The following PPP1R1A variants were observed in gnomAD, a reference collection of about 807,000 sequenced individuals.
PPP1R1A encodes the protein protein phosphatase 1 regulatory inhibitor subunit 1A, also known as protein phosphatase 1 regulatory subunit 1A.
Under a neutral mutation model 23.9 loss-of-function variants are expected in PPP1R1A, and 18 were observed. The ratio of observed to expected loss-of-function variants is 0.75; its 90% CI spans 0.52 to 1.12. The LOEUF (loss-of-function observed/expected upper bound fraction) is 1.12. Among genes scored for constraint, PPP1R1A ranks in the 50% most tolerant of loss-of-function variants. The pLI, the probability that PPP1R1A is intolerant of heterozygous loss-of-function variation, is 0.00. For synonymous variants in PPP1R1A, 84 were observed against 80.7 expected (o/e 1.04, Z -0.22); for missense variants, 207 against 223.8 (o/e 0.92, Z 0.48).
intron 3 of PPP1R1A, 105 bp downstream of exon 3, chr12:54,583,106 G>A (rs1957873936): frequency 7.2e-6 from 9 of 1,247,166 alleles, no homozygotes; most frequent in South Asian, 6.2e-5. Context: ...ACAGGGAAGC[G>A]GGAGTCAAAA....
At position 54,580,329 on chromosome 12, in the gene PPP1R1A, A is replaced by G; in HGVS notation, c.*58T>C. 1 of 1,609,664 alleles carries G rather than the reference A, an allele frequency of 6.2e-7. No homozygotes were observed. The highest frequency in any genetic ancestry group is 8.5e-7 in the Non-Finnish European group (1 of 1,178,172). On this transcript the variant is annotated 3_prime_UTR_variant, in exon 7 of 7. Transcript: ENST00000257905. ...CCAAAAGTGAAGGAATAAGAAACAA[A>G]TCCGGTGTCCATGCATTCCCAAACT...
In PPP1R1A at chr12:54,579,579, T is replaced by G; in HGVS notation, c.*808A>C. 1.0e-6 allele frequency: 1 copy of G among 985,422 alleles called. No homozygotes were observed. The highest frequency in any genetic ancestry group is 5.2e-4 in the Middle Eastern group (1 of 1,914). The allele number at this position is 985,422 out of a possible 1,614,324, so 61.0% of individuals were successfully genotyped here. On this transcript the variant is annotated 3_prime_UTR_variant, in exon 7 of 7. Coordinates refer to ENST00000257905, the MANE Select transcript of PPP1R1A (RefSeq NM_006741.4). ...GCAGGAGAGAGGCCTGGCCGTGAGA[T>G]CTGAGACAGTTTCTTCTCTTATGCT... is the stretch of plus-strand genomic sequence containing the variant.
At position 54,579,826 on chromosome 12, in the gene PPP1R1A, C is replaced by T. The variant is rs917149118; in HGVS notation, c.*561G>A. ...GCTTGGAGGGCAGGCGAGGAGGTAT[C>T]GGCACACCACCATACCCTCTTTCCC... On this transcript the variant is annotated 3_prime_UTR_variant, in exon 7 of 7. Coordinates refer to ENST00000257905, the MANE Select transcript of PPP1R1A (RefSeq NM_006741.4). The T allele has an allele frequency of 1.7e-5, 17 of 985,492 alleles. No individual in the cohort carries two copies. The highest frequency in any genetic ancestry group is 1.4e-4 in the South Asian group (3 of 21,288). The allele number at this position is 985,492 out of a possible 1,614,324, so 61.0% of individuals were successfully genotyped here. A position where few individuals can be genotyped will look rare whatever the true frequency, so the allele number is the denominator to read the frequency against.
At position 54,580,303 on chromosome 12, in the gene PPP1R1A, C is replaced by T; in HGVS notation, c.*84G>A. 1 of 1,591,948 alleles carries T rather than the reference C, an allele frequency of 6.3e-7. No individual in the cohort carries two copies. Among genetic ancestry groups the T allele is most frequent in the East Asian group, 2.2e-5 (1 of 44,540 alleles). On this transcript the variant is annotated 3_prime_UTR_variant, in exon 7 of 7. Transcript: ENST00000257905. Reference sequence around the variant, plus strand: ...CACTTTTTAAAAACAAGAGATTTTCCCCAAAAGTGAAGGAATAAGAAACAA... The same window carrying T: ...CACTTTTTAAAAACAAGAGATTTTCTCCAAAAGTGAAGGAATAAGAAACAA...
chr12:54,583,338 C>G, intron 2 of PPP1R1A, 90 bp from the exon 3 acceptor site: 1 of 1,216,454 alleles, frequency 8.2e-7, no homozygotes, highest in Non-Finnish European at 1.1e-6. Context: ...GATTCTGCAG[C>G]CATGCTCCTC....
chr12:54,584,424 C>T, intron 1 of PPP1R1A, 104 bp from the exon 2 acceptor site: 1 of 1,112,012 alleles, frequency 9.0e-7, no homozygotes, highest in East Asian at 2.6e-5. Context: ...CTACTTAACA[C>T]ACCTCAAAAA....
chr12:54,581,647 G>A lies in PPP1R1A; in HGVS notation c.403+329C>T, dbSNP rs1258912602. Reference sequence around the variant, plus strand: ...TCATTTTATACCCTGAGGTTAAGTCGTTCAAGGCCTCTCAGCTGGTAAGGT... The same window carrying A: ...TCATTTTATACCCTGAGGTTAAGTCATTCAAGGCCTCTCAGCTGGTAAGGT... On this transcript the variant is annotated intron_variant, in intron 5 of 6. Coordinates refer to ENST00000257905, the MANE Select transcript of PPP1R1A (RefSeq NM_006741.4). This position sits in a 1 kb window ranked among gnomAD's most constrained non-coding sequence, Gnocchi z 4.1. 2.0e-5 allele frequency among the ~76,000 whole-genome samples: 3 copies of A among 152,118 alleles called. No individual in the cohort carries two copies. Among genetic ancestry groups the A allele is most frequent in the African/African-American group, 4.8e-5 (2 of 41,400 alleles).
Position 54,588,392 on chromosome 12 carries a change from C to CCCTGCTCCGCA in PPP1R1A, c.84+2_84+12dup, listed in dbSNP as rs1167576430. 5.8e-5 allele frequency: 87 copies of CCCTGCTCCGCA among 1,494,772 alleles called. No individual in the cohort carries two copies. The highest frequency in any genetic ancestry group is 7.3e-5 in the Non-Finnish European group (81 of 1,117,020). The allele number at this position is 1,494,772 out of a possible 1,614,324, so 92.6% of individuals were successfully genotyped here. A position where few individuals can be genotyped will look rare whatever the true frequency, so the allele number is the denominator to read the frequency against. On this transcript the variant is annotated intron_variant, in intron 1 of 6. Transcript: ENST00000257905. Reference sequence around the variant, plus strand: ...GCTGGGCGAGTGCCCTGCCGCCCCGCCCTGCTCCGCACCTGCTCCGCCGCC... The same window carrying CCCTGCTCCGCA: ...GCTGGGCGAGTGCCCTGCCGCCCCGCCCTGCTCCGCACCTGCTCCGCACCTGCTCCGCCGCC...
chr12:54,579,808 G>A lies in PPP1R1A; in HGVS notation c.*579C>T, dbSNP rs929273729. 9.1e-6 allele frequency: 9 copies of A among 985,652 alleles called. No homozygotes were observed. The highest frequency in any genetic ancestry group is 1.1e-4 in the East Asian group (1 of 8,810). 61.1% of individuals were successfully genotyped at this position (985,652 alleles called of 1,614,324 possible). ...AAAAGGAAGGCAGCTGGGGCTTGGA[G>A]GGCAGGCGAGGAGGTATCGGCACAC... On this transcript the variant is annotated 3_prime_UTR_variant, in exon 7 of 7. Coordinates refer to ENST00000257905, the MANE Select transcript of PPP1R1A (RefSeq NM_006741.4).
At chr12:54,584,195 C>T in intron 2 of PPP1R1A, 65 bp downstream of exon 2, 1 of 1,443,858 alleles carries the variant, frequency 6.9e-7, no homozygotes, top group Non-Finnish European at 9.6e-7. Flanking sequence ...TAGCGCCCAT[C>T]TTCTCATTGG....
At chr12:54,587,715 G>T (rs1310045084) in intron 1 of PPP1R1A, among the ~76,000 whole-genome samples, 1 of 152,144 alleles carries the variant, frequency 6.6e-6, no homozygotes, top group Admixed American at 6.5e-5. Flanking sequence ...TCCCAGTGCT[G>T]CTGGCTCAGT....
chr12:54,582,875 G>T, intron 3 of PPP1R1A, 80 bp from the exon 4 acceptor site: 1 of 1,391,246 alleles, frequency 7.2e-7, no homozygotes, highest in Non-Finnish European at 9.9e-7. Flanking sequence ...AGCCCCCCAT[G>T]CCCTCCAGCC....
rs192678639 is a variant in PPP1R1A at position 54,579,493 on chromosome 12, G to A, written c.*894C>T. The A allele has an allele frequency of 2.4e-4, 234 of 985,368 alleles. No individual in the cohort carries two copies. The African/African-American group carries it at 3.5e-3, about 15-fold the overall frequency. 61.0% of individuals were successfully genotyped at this position (985,368 alleles called of 1,614,324 possible). ...TACCACATGCTTCAGCAGGGAGGGG[G>A]AAAGAATCTTGCCTTCCCTCCTTTC... On this transcript the variant is annotated 3_prime_UTR_variant, in exon 7 of 7. Coordinates refer to ENST00000257905, the MANE Select transcript of PPP1R1A (RefSeq NM_006741.4).
chr12:54,580,197 G>C lies in PPP1R1A; in HGVS notation c.*190C>G. On this transcript the variant is annotated 3_prime_UTR_variant, in exon 7 of 7. Transcript: ENST00000257905. ...GGCAGGAGGGTGGGGGCTACAGAGA[G>C]GGCAGGGCAAGAAGGCAGGGAGAAA... is the stretch of plus-strand genomic sequence containing the variant. 7.1e-7 allele frequency: 1 copy of C among 1,409,950 alleles called. No individual in the cohort carries two copies. The highest frequency in any genetic ancestry group is 9.3e-7 in the Non-Finnish European group (1 of 1,079,396). The allele number at this position is 1,409,950 out of a possible 1,614,324, so 87.3% of individuals were successfully genotyped here.
Position 54,579,297 on chromosome 12 carries a change from T to C in PPP1R1A, c.*1090A>G. 1 of 984,806 alleles carries C rather than the reference T, an allele frequency of 1.0e-6. No individual in the cohort carries two copies. The highest frequency in any genetic ancestry group is 4.7e-5 in the South Asian group (1 of 21,244). 61.0% of individuals were successfully genotyped at this position (984,806 alleles called of 1,614,324 possible). A position where few individuals can be genotyped will look rare whatever the true frequency, so the allele number is the denominator to read the frequency against. ...ACCAAGCATCTTCACATACATACACTCTTTCCAGCATGATAAAATCTGGGT... is the reference window on the plus strand; with the variant it reads ...ACCAAGCATCTTCACATACATACACCCTTTCCAGCATGATAAAATCTGGGT... On this transcript the variant is annotated 3_prime_UTR_variant, in exon 7 of 7. Coordinates refer to ENST00000257905, the MANE Select transcript of PPP1R1A (RefSeq NM_006741.4).
At position 54,582,810 on chromosome 12, in the gene PPP1R1A, G is replaced by A. The variant is rs1957869048; in HGVS notation, c.184-15C>T. On this transcript the variant is annotated splice_polypyrimidine_tract_variant and intron_variant, in intron 3 of 6. Coordinates refer to ENST00000257905, the MANE Select transcript of PPP1R1A (RefSeq NM_006741.4). ...GCCAAAGTGGACTGTGAAGGGCACA[G>A]AGCACAGATGGGCGCCAGCCCCCCC... is the stretch of plus-strand genomic sequence containing the variant. 1 of 1,612,598 alleles carries A rather than the reference G, an allele frequency of 6.2e-7. No homozygotes were observed. Among genetic ancestry groups the A allele is most frequent in the Non-Finnish European group, 8.5e-7 (1 of 1,179,524 alleles).
At chr12:54,580,426 T>C in intron 6 of PPP1R1A, 34 bp from the exon 7 acceptor site, 1 of 1,593,974 alleles carries the variant, frequency 6.3e-7, no homozygotes, top group Non-Finnish European at 8.6e-7. Flanking sequence ...AAAGAGAAGG[T>C]GAGAGGCCAG....
In PPP1R1A at chr12:54,580,974, T is replaced by C. The variant is rs1461196953; in HGVS notation, c.480A>G (p.Ile160Met). 6.2e-7 allele frequency: 1 copy of C among 1,613,776 alleles called. No homozygotes were observed. Among genetic ancestry groups the C allele is most frequent in the East Asian group, 2.2e-5 (1 of 44,896 alleles). ...TGGCTCCCTTGGAATCCAGTGGTGG[T>C]ATATGGGTTGAGGGTTCTTTTGTGC... ...EPSTKEPSTH[I>M]PPLDSKGANS... The change falls in exon 6 of 7, where the codon ATA (isoleucine) becomes ATG (methionine). Residue 160 changes from isoleucine (I) to methionine (M), a missense_variant. By Grantham distance (10) the Ile-to-Met change is conservative. Transcript: ENST00000257905.
At chr12:54,583,812 C>T (rs74564037) in intron 2 of PPP1R1A, among the ~76,000 whole-genome samples, 1,935 of 152,288 alleles carry the variant, frequency 0.013, 45 homozygotes, top group African/African-American at 0.044. Context: ...GTTTTCTCCC[C>T]AGACCTCGAT....
Sources: allele counts gnomAD v4.1 joint callset (sites outside exome capture counted in the v4.1 genomes callset), GRCh38; gene constraint gnomAD v4.1.1; non-coding constraint Gnocchi (gnomAD v3.1); transcripts MANE v1.5; gene names NCBI Gene and HGNC (gene_info 2026-07-23, HGNC 2026-07-21).